Variants in KCNH8 observed in about 807,000 individuals in gnomAD.
KCNH8 encodes voltage-gated delayed rectifier potassium channel KCNH8.
A neutral mutation model predicts 103.6 loss-of-function variants in KCNH8; 70 were observed. The ratio of observed to expected loss-of-function variants is 0.68; its 90% CI spans 0.56 to 0.82. The LOEUF (loss-of-function observed/expected upper bound fraction) is 0.82, where lower values mean the gene tolerates loss of function less well. KCNH8 is among the 40% of genes least tolerant of loss of function. The pLI is 0.00. For missense variants in KCNH8, 1,217 were observed against 1,329.9 expected, an observed-to-expected ratio of 0.92 and a Z score of 1.32; for synonymous variants, 498 against 489.4, an observed-to-expected ratio of 1.02 and a Z score of -0.23.
At chr3:19,314,961 G>A (rs900991481) in intron 3 of KCNH8, 2 of 154,038 alleles carry the variant, frequency 1.3e-5, no homozygotes, top group Admixed American at 6.6e-5. Context: ...TAATAAGACT[G>A]TTGTTGTGGT....
At chr3:19,243,087 G>T (rs2064162638) in intron 1 of KCNH8, among the ~76,000 whole-genome samples, 1 of 152,148 alleles carries the variant, frequency 6.6e-6, no homozygotes, top group Non-Finnish European at 1.5e-5. Flanking sequence ...GAGGGCCACA[G>T]ATTCAAAATA....
intron 10 of KCNH8, 144 bp from the exon 11 acceptor site, chr3:19,456,624 A>G (rs1480263831): frequency 1.7e-6 from 1 of 605,162 alleles, no homozygotes; most frequent in Non-Finnish European, 3.0e-6. Flanking sequence ...ATTGTATGCC[A>G]AAGTTGAAAA....
chr3:19,456,177 C>T (rs539044035), intron 10 of KCNH8, among the ~76,000 whole-genome samples: 9 of 152,146 alleles, frequency 5.9e-5, no homozygotes, highest in African/African-American at 2.2e-4. Flanking sequence ...GGCTAAATTT[C>T]AAGGTTTAAG....
At chr3:19,226,211 C>T (rs1250709333) in intron 1 of KCNH8, among the ~76,000 whole-genome samples, 1 of 152,158 alleles carries the variant, frequency 6.6e-6, no homozygotes, top group East Asian at 1.9e-4. Flanking sequence ...ATTGGCAAAA[C>T]AGCTTTAGGC....
chr3:19,354,974 T>C (rs530812670), intron 5 of KCNH8, among the ~76,000 whole-genome samples: 1 of 152,238 alleles, frequency 6.6e-6, no homozygotes, highest in Non-Finnish European at 1.5e-5. Flanking sequence ...GTTTTTACAA[T>C]CTGCCCATCT....
intron 3 of KCNH8, among the ~76,000 whole-genome samples, chr3:19,333,022 A>AT (rs1323583976): frequency 2.6e-5 from 4 of 152,030 alleles, no homozygotes; most frequent in African/African-American, 9.7e-5. Context: ...TACTGTAACT[A>AT]TTTTTTATTT....
At chr3:19,311,335 CAA>C (rs895176836) in intron 3 of KCNH8, among the ~76,000 whole-genome samples, 1 of 151,474 alleles carries the variant, frequency 6.6e-6, no homozygotes, top group Non-Finnish European at 1.5e-5. Flanking sequence ...AAACTGAAAC[CAA>C]AAGAGGTTAA....
intron 5 of KCNH8, among the ~76,000 whole-genome samples, chr3:19,377,469 A>G (rs571875566): frequency 1.3e-5 from 2 of 152,300 alleles, no homozygotes; most frequent in South Asian, 4.2e-4. Context: ...ATTTCTTTTT[A>G]TCCAATATAT....
intron 3 of KCNH8, among the ~76,000 whole-genome samples, chr3:19,294,057 T>G (rs772537160): frequency 6.6e-6 from 1 of 152,204 alleles, no homozygotes; most frequent in Non-Finnish European, 1.5e-5. Context: ...ATTTTTCATG[T>G]ATTTACCTTA....
At chr3:19,414,155 T>C (rs192930638) in intron 7 of KCNH8, among the ~76,000 whole-genome samples, 1 of 152,204 alleles carries the variant, frequency 6.6e-6, no homozygotes, top group East Asian at 1.9e-4. Context: ...CTTTAAAACG[T>C]AACAGTCACT....
intron 5 of KCNH8, among the ~76,000 whole-genome samples, chr3:19,380,771 G>A (rs771136722): frequency 1.3e-5 from 2 of 152,210 alleles, no homozygotes; most frequent in African/African-American, 4.8e-5. Context: ...ATACATTACC[G>A]AAATCACGTG....
intron 7 of KCNH8, among the ~76,000 whole-genome samples, chr3:19,424,732 G>A (rs1488251853): frequency 6.6e-6 from 1 of 151,996 alleles, no homozygotes; most frequent in Non-Finnish European, 1.5e-5. Flanking sequence ...AATCTACAAG[G>A]AACTCAGGCA....
chr3:19,234,124 C>G (rs1451207893), intron 1 of KCNH8, among the ~76,000 whole-genome samples: 2 of 152,218 alleles, frequency 1.3e-5, no homozygotes, highest in Non-Finnish European at 1.5e-5. Context: ...GCCCAGTGGT[C>G]TGTTTTGACA....
At chr3:19,154,959 C>T (rs538017043) in intron 1 of KCNH8, among the ~76,000 whole-genome samples, 1 of 152,328 alleles carries the variant, frequency 6.6e-6, no homozygotes, top group South Asian at 2.1e-4. Flanking sequence ...GAGACTTCAA[C>T]TTCACCTATG....
At chr3:19,417,581 A>G (rs1211155027) in intron 7 of KCNH8, among the ~76,000 whole-genome samples, 1 of 152,034 alleles carries the variant, frequency 6.6e-6, no homozygotes, top group Admixed American at 6.6e-5. Flanking sequence ...CAAATCTTCA[A>G]TCCTTCAAAC....
At chr3:19,234,466 C>T (rs962688006) in intron 1 of KCNH8, among the ~76,000 whole-genome samples, 1 of 152,250 alleles carries the variant, frequency 6.6e-6, no homozygotes, top group Admixed American at 6.5e-5. Flanking sequence ...AAATTGAGCA[C>T]AGCAGCTGCT....
chr3:19,401,739 A>G (rs1399116632), intron 7 of KCNH8, among the ~76,000 whole-genome samples: 3 of 151,976 alleles, frequency 2.0e-5, no homozygotes, highest in East Asian at 1.9e-4. Flanking sequence ...ATATATAGCA[A>G]TGTCCAATTA....
At chr3:19,175,650 C>T (rs1300798512) in intron 1 of KCNH8, among the ~76,000 whole-genome samples, 4 of 152,140 alleles carry the variant, frequency 2.6e-5, no homozygotes, top group African/African-American at 9.7e-5. Flanking sequence ...TTCCTATAAA[C>T]TCTACAAAGA....
chr3:19,477,825 C>T (rs914910331), intron 11 of KCNH8, among the ~76,000 whole-genome samples: 2 of 152,118 alleles, frequency 1.3e-5, no homozygotes, highest in South Asian at 4.1e-4. Context: ...TCCTTACATT[C>T]ATATATTGCA....
Sources: allele counts gnomAD v4.1 joint callset (sites outside exome capture counted in the v4.1 genomes callset), GRCh38; gene constraint gnomAD v4.1.1; transcripts MANE v1.5; gene names NCBI Gene and HGNC (gene_info 2026-07-23, HGNC 2026-07-21).